NCAM1: variants seen among roughly 807,000 people sequenced by gnomAD.
NCAM1 encodes the protein neural cell adhesion molecule 1, also known as antigen recognized by monoclonal antibody 5.1H11.
Under a neutral mutation model 109.8 loss-of-function variants are expected in NCAM1, and 14 were observed. That is an observed-to-expected ratio of 0.13 (90% CI 0.08 to 0.20). The LOEUF (loss-of-function observed/expected upper bound fraction) is 0.20, where lower values mean the gene tolerates loss of function less well. Among genes scored for constraint, NCAM1 ranks in the 10% least tolerant of loss-of-function variants. The pLI is 1.00. For synonymous variants in NCAM1, 418 were observed against 442.9 expected (o/e 0.94, Z 0.70); for missense variants, 774 against 1,109.9 (o/e 0.70, Z 4.30).
intron 1 of NCAM1, among the ~76,000 whole-genome samples, chr11:113,187,756 A>G (rs78266727): frequency 0.026 from 3,978 of 152,288 alleles, 169 homozygotes; most frequent in African/African-American, 0.09. Flanking sequence ...GAAACTCAGC[A>G]ACAGATTCGT....
At chr11:113,105,848 G>A (rs782473314) in intron 1 of NCAM1, among the ~76,000 whole-genome samples, 34 of 152,104 alleles carry the variant, frequency 2.2e-4, no homozygotes, top group Admixed American at 5.9e-4. Flanking sequence ...GCCCAACTCT[G>A]TGAATATATT....
At chr11:113,128,465 C>G (rs1941264732) in intron 1 of NCAM1, among the ~76,000 whole-genome samples, 2 of 152,198 alleles carry the variant, frequency 1.3e-5, no homozygotes, top group African/African-American at 4.8e-5. Flanking sequence ...TTCCTCCCCT[C>G]CATGTTCACA....
At chr11:113,178,053 G>A (rs185677058) in intron 1 of NCAM1, among the ~76,000 whole-genome samples, 6 of 152,220 alleles carry the variant, frequency 3.9e-5, no homozygotes, top group Admixed American at 3.9e-4. Context: ...AGACTGTGTG[G>A]GATTTAACAT....
At chr11:113,248,046 A>G (rs934030179) in intron 15 of NCAM1, among the ~76,000 whole-genome samples, 1 of 152,160 alleles carries the variant, frequency 6.6e-6, no homozygotes, top group Non-Finnish European at 1.5e-5. Flanking sequence ...GTGCAATGCT[A>G]TAATTCGGAA....
intron 1 of NCAM1, among the ~76,000 whole-genome samples, chr11:113,165,887 A>G (rs1183402360): frequency 6.7e-6 from 1 of 149,742 alleles, no homozygotes; most frequent in South Asian, 2.1e-4. Flanking sequence ...ATCTCGGCTC[A>G]CTGCAAGCTC....
chr11:113,269,675 A>G (rs1034696377), intron 17 of NCAM1: 3 of 167,950 alleles, frequency 1.8e-5, no homozygotes, highest in Non-Finnish European at 2.6e-5. Context: ...GAAGTGGAGA[A>G]GTATAATGGG....
intron 1 of NCAM1, among the ~76,000 whole-genome samples, chr11:113,163,255 G>C (rs1942663624): frequency 2.0e-5 from 3 of 152,102 alleles, no homozygotes; most frequent in Admixed American, 6.5e-5. Flanking sequence ...ATCTTTTTCT[G>C]TCTGTAAAAT....
chr11:113,104,028 G>A (rs1180314108), intron 1 of NCAM1, among the ~76,000 whole-genome samples: 1 of 152,032 alleles, frequency 6.6e-6, no homozygotes, highest in Non-Finnish European at 1.5e-5. Flanking sequence ...TGGGTTGGAT[G>A]CGTCGTTTCT....
chr11:112,990,150 G>A (rs1379152166), intron 1 of NCAM1, among the ~76,000 whole-genome samples: 1 of 152,176 alleles, frequency 6.6e-6, no homozygotes, highest in African/African-American at 2.4e-5. Context: ...GGTCTACAAG[G>A]CTAGTTCTGG....
At chr11:113,189,318 C>T (rs879956600) in intron 1 of NCAM1, among the ~76,000 whole-genome samples, 13 of 151,940 alleles carry the variant, frequency 8.6e-5, no homozygotes, top group Non-Finnish European at 1.8e-4. Context: ...GGCATGGTGG[C>T]GTGTGCTTGT....
At chr11:113,240,798 G>T in intron 14 of NCAM1, 10 of 1,613,520 alleles carry the variant, frequency 6.2e-6, no homozygotes, top group Non-Finnish European at 8.5e-6. Context: ...GCATCTGCTA[G>T]CTCGTCTACC....
Position 113,231,172 on chromosome 11 carries a change from G to C in NCAM1, c.1090-473G>C, listed in dbSNP as rs561631434. 1,054 of 1,530,586 alleles carry C rather than the reference G, an allele frequency of 6.9e-4. 2 individuals are homozygous for C. Among genetic ancestry groups the C allele is most frequent in the Non-Finnish European group, 8.3e-4 (945 of 1,142,850 alleles). The allele number at this position is 1,530,586 out of a possible 1,614,324, so 94.8% of individuals were successfully genotyped here. A position where few individuals can be genotyped will look rare whatever the true frequency, so the allele number is the denominator to read the frequency against. On this transcript the variant is annotated intron_variant, in intron 9 of 19. Coordinates refer to ENST00000316851, the MANE Select transcript of NCAM1 (RefSeq NM_181351.5). The stretch of plus-strand genomic sequence containing the variant: ...ATTTCTTTAATAATTTCTTATGTTG[G>C]GCACTTGGAATGTCCTGCCACAGGT...
rs563188398 is a variant in NCAM1 at position 112,970,862 on chromosome 11, G to A, written c.52+9198G>A. On this transcript the variant is annotated intron_variant, in intron 1 of 19. Coordinates refer to ENST00000316851, the MANE Select transcript of NCAM1 (RefSeq NM_181351.5). ...AGGATAAAGGGGGCATAGCTGAGAT[G>A]TTAGAAATAACAAAGCAACCAAGGG... Among the ~76,000 whole-genome samples, 6 of 152,268 alleles carry A rather than the reference G, an allele frequency of 3.9e-5. No individual in the cohort carries two copies. The East Asian group carries it at 9.7e-4, about 25-fold the overall frequency.
At chr11:113,229,790 G>A (rs1944948366) in intron 9 of NCAM1, among the ~76,000 whole-genome samples, 1 of 152,156 alleles carries the variant, frequency 6.6e-6, no homozygotes, top group Admixed American at 6.5e-5. Context: ...GTAGGGACAT[G>A]GATGAAGCTG....
chr11:113,001,795 C>G (rs998247621), intron 1 of NCAM1, among the ~76,000 whole-genome samples: 1 of 151,784 alleles, frequency 6.6e-6, no homozygotes, highest in Non-Finnish European at 1.5e-5. Flanking sequence ...TTTATTGGCT[C>G]ATTTAGATAA....
At chr11:113,193,828 C>G (rs1406375652) in intron 1 of NCAM1, among the ~76,000 whole-genome samples, 2 of 152,124 alleles carry the variant, frequency 1.3e-5, no homozygotes, top group African/African-American at 4.8e-5. Flanking sequence ...AATGTGTAGA[C>G]TTTCTTGCCC....
At chr11:113,272,872 C>G (rs542109932) in intron 19 of NCAM1, 2 of 455,178 alleles carry the variant, frequency 4.4e-6, no homozygotes, top group South Asian at 3.1e-5. Context: ...CCCTCCTCCT[C>G]GCTTCTCTGT....
rs781873039 is a variant in NCAM1 at position 113,242,879 on chromosome 11, C to CCT, written c.1826-3486_1826-3485dup. 314 of 1,613,772 alleles carry CCT rather than the reference C, an allele frequency of 1.9e-4. No homozygotes were observed. In the Middle Eastern group the frequency reaches 2.8e-3, roughly 14 times the overall value. On this transcript the variant is annotated intron_variant, in intron 14 of 19. Transcript: ENST00000316851. The stretch of plus-strand genomic sequence containing the variant: ...CAGGGCTGAGTTGCTCTCGGCCAGA[C>CCT]CTCTGATCGCTTGTTGTAGAGCCGA...
chr11:113,189,449 C>CA (rs10712434), intron 1 of NCAM1, among the ~76,000 whole-genome samples: 9,619 of 117,958 alleles, frequency 0.082, 1,116 homozygotes, highest in African/African-American at 0.27. Flanking sequence ...GATTCTGTCT[C>CA]AAAAAAAAAA....
Sources: gnomAD v4.1 joint callset for allele counts (sites outside exome capture counted in the v4.1 genomes callset) on GRCh38, gnomAD v4.1.1 for gene constraint, MANE v1.5 for transcripts, NCBI Gene and HGNC (gene_info 2026-07-23, HGNC 2026-07-21) for gene names.